ENKD1: variants seen among roughly 807,000 people sequenced by gnomAD.
ENKD1 encodes enkurin domain-containing protein 1.
A neutral mutation model predicts 35.8 loss-of-function variants in ENKD1; 39 were observed. The observed-to-expected ratio is 1.09, with a 90% CI of 0.84 to 1.42. The LOEUF is 1.42. ENKD1 is among the 40% of genes most tolerant of loss of function. ENKD1 has a pLI of 0.00. For synonymous variants in ENKD1, 205 were observed against 198.6 expected (o/e 1.03, Z -0.27); for missense variants, 474 against 471.3 (o/e 1.01, Z -0.05).
In ENKD1 at chr16:67,666,522, C is replaced by G; in HGVS notation, c.-80G>C. On this transcript the variant is annotated 5_prime_UTR_variant, in exon 1 of 7. Transcript: ENST00000243878. ...CCTCCCCGGGCCCCCTTCCCCAACC[C>G]CGGGCCCCCTCCCTCGCCCGGCACC... 7.7e-7 allele frequency: 1 copy of G among 1,292,632 alleles called. No homozygotes were observed. The allele number at this position is 1,292,632 out of a possible 1,614,324, so 80.1% of individuals were successfully genotyped here. A position where few individuals can be genotyped will look rare whatever the true frequency, so the allele number is the denominator to read the frequency against.
In ENKD1 at chr16:67,663,219, A is replaced by G. The variant is rs1597780504; in HGVS notation, c.983T>C (p.Val328Ala). Residue 328 changes from valine (V) to alanine (A), a missense_variant, in exon 7 of 7, where the codon GTA (valine) becomes GCA (alanine). By Grantham distance (64) the Val-to-Ala change is moderately conservative. Coordinates refer to ENST00000243878, the MANE Select transcript of ENKD1 (RefSeq NM_032140.3). ...AGAAAAGATCTTGATGGCCTCCTCT[A>G]CCTGCACCAGCTTCCGGTCCAGCTC... ...RAELDRKLVQVEEAIKIFSRP... is the reference protein window; with the variant it reads ...RAELDRKLVQAEEAIKIFSRP... The G allele has an allele frequency of 6.2e-7, 1 of 1,613,844 alleles. No homozygotes were observed. Among genetic ancestry groups the G allele is most frequent in the Non-Finnish European group, 8.5e-7 (1 of 1,180,024 alleles).
intron 3 of ENKD1, 161 bp downstream of exon 3, chr16:67,664,835 T>C: frequency 1.2e-6 from 1 of 819,686 alleles, no homozygotes; most frequent in Non-Finnish European, 1.8e-6. Flanking sequence ...CCACCATCAC[T>C]ACTTCTGAGA....
Position 67,666,434 on chromosome 16 carries a change from C to A in ENKD1, c.9G>T (p.Glu3Asp), listed in dbSNP as rs1381336768. The A allele has an allele frequency of 1.2e-5, 19 of 1,527,162 alleles. No individual in the cohort carries two copies. Among genetic ancestry groups the A allele is most frequent in the Non-Finnish European group, 1.5e-5 (17 of 1,145,960 alleles). The allele number at this position is 1,527,162 out of a possible 1,614,324, so 94.6% of individuals were successfully genotyped here. A position where few individuals can be genotyped will look rare whatever the true frequency, so the allele number is the denominator to read the frequency against. ...TGGGCCCCGAGATGCGGGACGGGCC[C>A]TCGCACATGCCGCCGGCGCCGCCCA... MC[E>D]GPSRISGPIP... Residue 3 changes from glutamate (E) to aspartate (D), a missense_variant, in exon 1 of 7, where the codon GAG becomes GAT. Transcript: ENST00000243878.
At chr16:67,663,855 A>C (rs756882411) in intron 4 of ENKD1, 35 bp from the exon 5 acceptor site, 1 of 1,601,896 alleles carries the variant, frequency 6.2e-7, no homozygotes, top group Non-Finnish European at 8.5e-7. Context: ...GGGGGCAGAC[A>C]GCATTATGTT....
Position 67,666,377 on chromosome 16 carries a change from G to A in ENKD1, c.66C>T (p.Asn22=), listed in dbSNP as rs770120736. The change falls in exon 1 of 7, where the codon AAC becomes AAT. Residue 22 remains asparagine (N), a synonymous_variant. Transcript: ENST00000243878. ...IPPDPTLCPD[N]YRRPTSAQGR... is the part of the protein sequence containing the mutation. The stretch of plus-strand genomic sequence containing the variant: ...ACTCACCCGAGGTCGGCCGCCTGTA[G>A]TTGTCAGGACAGAGCGTCGGGTCTG... 30 of 1,578,182 alleles carry A rather than the reference G, an allele frequency of 1.9e-5. No individual in the cohort carries two copies. The highest frequency in any genetic ancestry group is 2.6e-5 in the Non-Finnish European group (30 of 1,168,720).
chr16:67,663,896 G>A, intron 4 of ENKD1, 41 bp downstream of exon 4: 1 of 1,605,150 alleles, frequency 6.2e-7, no homozygotes, highest in Non-Finnish European at 8.5e-7. Context: ...CACACCAGGA[G>A]CCCTGCCCAA....
chr16:67,664,848 C>A, intron 3 of ENKD1, 148 bp downstream of exon 3: 1 of 972,188 alleles, frequency 1.0e-6, no homozygotes, highest in Non-Finnish European at 1.5e-6. Flanking sequence ...TTCTGAGAAG[C>A]CCCCCAGCCT....
rs1171635212 is a variant in ENKD1 at position 67,663,084 on chromosome 16, T to C, written c.*77A>G. The C allele has an allele frequency of 9.6e-6, 15 of 1,554,872 alleles. No homozygotes were observed. Among genetic ancestry groups the C allele is most frequent in the African/African-American group, 2.7e-5 (2 of 73,674 alleles). ...CTGTCTTCAGACCTCTGCTCTGGGATTGGGTCCAACCCTGTCCTTTGCAGC... is the reference window on the plus strand; with the variant it reads ...CTGTCTTCAGACCTCTGCTCTGGGACTGGGTCCAACCCTGTCCTTTGCAGC... On this transcript the variant is annotated 3_prime_UTR_variant, in exon 7 of 7. Transcript: ENST00000243878.
Position 67,664,159 on chromosome 16 carries a change from C to T in ENKD1, c.454-97G>A, listed in dbSNP as rs1006956974. On this transcript the variant is annotated intron_variant, in intron 3 of 6. Coordinates refer to ENST00000243878, the MANE Select transcript of ENKD1 (RefSeq NM_032140.3). ...TCTTGGCCCTTCTGACCTTTGCATC[C>T]ATGTCCCTCGGGCCCTCTTCCCTCT... 6.2e-6 allele frequency: 7 copies of T among 1,136,192 alleles called. No homozygotes were observed. The Admixed American group carries it at 9.9e-5, about 16-fold the overall frequency. The allele number at this position is 1,136,192 out of a possible 1,614,324, so 70.4% of individuals were successfully genotyped here.
Position 67,663,588 on chromosome 16 carries a change from C to T in ENKD1, c.744-32G>A, listed in dbSNP as rs200361187. 204 of 1,605,348 alleles carry T rather than the reference C, an allele frequency of 1.3e-4. 1 individual carries two copies. The East Asian group carries it at 3.0e-3, about 24-fold the overall frequency. ...GTACACAGGCTCAGAGTTGATGACC[C>T]GAGGGCAGAGGTTGGTTCCCACCCT... On this transcript the variant is annotated intron_variant, in intron 5 of 6. Transcript: ENST00000243878.
At position 67,663,167 on chromosome 16, in the gene ENKD1, G is replaced by A. The variant is rs1275393380; in HGVS notation, c.1035C>T (p.Asp345=). Residue 345 remains aspartate (D), a synonymous_variant, in exon 7 of 7, where the codon GAC becomes GAT. Coordinates refer to ENST00000243878, the MANE Select transcript of ENKD1 (RefSeq NM_032140.3). The part of the protein sequence containing the change: ...FSRPKVFVKM[D]D ...CACTGTCCCCCAAAGGGGCTCAGTCGTCCATCTTCACGAAGACTTTGGGCC... is the reference window on the plus strand; with the variant it reads ...CACTGTCCCCCAAAGGGGCTCAGTCATCCATCTTCACGAAGACTTTGGGCC... The A allele has an allele frequency of 5.6e-6, 9 of 1,613,846 alleles. No individual in the cohort carries two copies. Among genetic ancestry groups the A allele is most frequent in the Non-Finnish European group, 5.9e-6 (7 of 1,180,030 alleles).
Position 67,665,105 on chromosome 16 carries a change from A to C in ENKD1, c.344T>G (p.Phe115Cys). The change falls in exon 3 of 7, where the codon TTC (phenylalanine) becomes TGC (cysteine). Residue 115 changes from phenylalanine (F) to cysteine (C), a missense_variant. By Grantham distance (205) the Phe-to-Cys change is radical (BLOSUM62 -2). Coordinates refer to ENST00000243878, the MANE Select transcript of ENKD1 (RefSeq NM_032140.3). ...LRRIREIQKR[F>C]REQERSREQG... is the part of the protein sequence containing the mutation. ...CTCCCGGCTGCGCTCCTGTTCTCTG[A>C]AGCGCTTCTGAATCTCCCTGATCCG... 6.2e-7 allele frequency: 1 copy of C among 1,613,818 alleles called. No individual in the cohort carries two copies. The highest frequency in any genetic ancestry group is 8.5e-7 in the Non-Finnish European group (1 of 1,179,954).
intron 3 of ENKD1, chr16:67,664,490 G>A (rs1410331584): frequency 2.8e-6 from 1 of 352,802 alleles, no homozygotes; most frequent in East Asian, 8.1e-5. Context: ...CCCACCCCCT[G>A]GGAACCCCAC....
At position 67,665,028 on chromosome 16, in the gene ENKD1, T is replaced by C; in HGVS notation, c.421A>G (p.Lys141Glu). The change falls in exon 3 of 7, where the codon AAG becomes GAG. Residue 141 changes from lysine to glutamate, a missense_variant. Coordinates refer to ENST00000243878, the MANE Select transcript of ENKD1 (RefSeq NM_032140.3). ...KALWRSPKYD[K>E]VESRVKAQLQ... ...TGGGCCTTGACCCGGGACTCCACCTTGTCGTACTTGGGTGAGCGCCACAGA... is the reference window on the plus strand; with the variant it reads ...TGGGCCTTGACCCGGGACTCCACCTCGTCGTACTTGGGTGAGCGCCACAGA... The C allele has an allele frequency of 1.9e-6, 3 of 1,611,172 alleles. No homozygotes were observed. The highest frequency in any genetic ancestry group is 2.5e-6 in the Non-Finnish European group (3 of 1,178,794).
At chr16:67,663,885 C>G (rs756445330) in intron 4 of ENKD1, 52 bp downstream of exon 4, 7 of 1,604,434 alleles carry the variant, frequency 4.4e-6, no homozygotes, top group East Asian at 2.3e-5. Flanking sequence ...AACACCCCCC[C>G]CACACCAGGA....
In ENKD1 at chr16:67,665,183, C is replaced by T. The variant is rs776430320; in HGVS notation, c.281-15G>A. Reference sequence around the variant, plus strand: ...AGGGTCCTTCCCTGGAGAAAAGATGCCCCCAGGTTCTGCCCTACATGGGGC... The same window carrying T: ...AGGGTCCTTCCCTGGAGAAAAGATGTCCCCAGGTTCTGCCCTACATGGGGC... On this transcript the variant is annotated splice_polypyrimidine_tract_variant and intron_variant, in intron 2 of 6. Coordinates refer to ENST00000243878, the MANE Select transcript of ENKD1 (RefSeq NM_032140.3). 3 of 1,605,030 alleles carry T rather than the reference C, an allele frequency of 1.9e-6. No individual in the cohort carries two copies. Among genetic ancestry groups the T allele is most frequent in the Non-Finnish European group, 2.6e-6 (3 of 1,175,430 alleles).
chr16:67,663,540 C>T lies in ENKD1; in HGVS notation c.760G>A (p.Asp254Asn), dbSNP rs1439253196. The part of the protein sequence containing the change: ...HVPHYLLERR[D>N]LWRREAEARK... ...GCCTCGGCCTCCCGCCGCCACAGGT[C>T]CCTGCGCTCCAACAAGCTGTGGGTA... Residue 254 changes from aspartate (D) to asparagine (N), a missense_variant, in exon 6 of 7, where the codon GAC (aspartate) becomes AAC (asparagine). Asp to Asn is a conservative substitution (Grantham distance 23). Transcript: ENST00000243878. The T allele has an allele frequency of 6.2e-7, 1 of 1,612,076 alleles. No individual in the cohort carries two copies. Among genetic ancestry groups the T allele is most frequent in the Admixed American group, 1.7e-5 (1 of 59,960 alleles).
rs3833057 is a variant in ENKD1 at position 67,663,878 on chromosome 16, AC to A, written c.579+58del. On this transcript the variant is annotated intron_variant, in intron 4 of 6. Coordinates refer to ENST00000243878, the MANE Select transcript of ENKD1 (RefSeq NM_032140.3). ...ACAGCATTATGTTGTGTCCCTGAAC[AC>A]CCCCCCCACACCAGGAGCCCTGCCC... The A allele has an allele frequency of 8.9e-4, 1,416 of 1,593,736 alleles. 20 individuals are homozygous for A. In the East Asian group the frequency reaches 0.024, roughly 27 times the overall value.
chr16:67,662,947 C>T lies in ENKD1; in HGVS notation c.*214G>A. The T allele has an allele frequency of 1.5e-6, 1 of 651,062 alleles. No individual in the cohort carries two copies. The highest frequency in any genetic ancestry group is 2.1e-5 in the South Asian group (1 of 47,434). The allele number at this position is 651,062 out of a possible 1,614,324, so 40.3% of individuals were successfully genotyped here. A position where few individuals can be genotyped will look rare whatever the true frequency, so the allele number is the denominator to read the frequency against. On this transcript the variant is annotated 3_prime_UTR_variant, in exon 7 of 7. Transcript: ENST00000243878. The surrounding 1 kb of genome is among the most constrained non-coding windows in gnomAD (Gnocchi z 6.9). ...AGAAAAGCTCTTATGGAAACAAATC[C>T]TGTGTACAAAATGTTTAATTTTGAC... is the stretch of plus-strand genomic sequence containing the variant.
Sources: allele counts gnomAD v4.1 joint callset, GRCh38; gene constraint gnomAD v4.1.1; non-coding constraint Gnocchi (gnomAD v3.1); transcripts MANE v1.5; gene names NCBI Gene and HGNC (gene_info 2026-07-23, HGNC 2026-07-21).